The following EXOSC7 variants were observed in gnomAD, a reference collection of about 807,000 sequenced individuals.
The protein encoded by EXOSC7 is exosome complex component RRP42.
EXOSC7 carries 25 observed loss-of-function variants against 34.3 expected under a neutral mutation model. That is an observed-to-expected ratio of 0.73 (90% CI 0.53 to 1.02). The LOEUF is 1.02. Ranked by LOEUF, EXOSC7 falls within the 50% of genes least tolerant of loss-of-function variation. EXOSC7 has a pLI of 0.00. For missense variants in EXOSC7, 370 were observed against 368.5 expected (o/e 1.00, Z -0.03); for synonymous variants, 130 against 143.0 (o/e 0.91, Z 0.65).
At chr3:44,995,887 G>A (rs1460351073) in intron 3 of EXOSC7, among the ~76,000 whole-genome samples, 4 of 152,206 alleles carry the variant, frequency 2.6e-5, no homozygotes, top group Non-Finnish European at 5.9e-5. Flanking sequence ...TGCCATGGGC[G>A]TTCACACAGG....
chr3:44,982,099 A>G (rs1236568853), intron 1 of EXOSC7, among the ~76,000 whole-genome samples: 1 of 152,090 alleles, frequency 6.6e-6, no homozygotes, highest in African/African-American at 2.4e-5. Context: ...TTCTTTGTAG[A>G]ATCTGCCTCT....
At chr3:44,978,335 G>A (rs1012679524) in intron 1 of EXOSC7, among the ~76,000 whole-genome samples, 1 of 152,098 alleles carries the variant, frequency 6.6e-6, no homozygotes, top group African/African-American at 2.4e-5. Context: ...GAATTCCAGG[G>A]ACTTGTAATG....
intron 2 of EXOSC7, 33 bp from the exon 3 acceptor site, chr3:44,989,517 C>CT (rs1706513483): frequency 6.5e-7 from 1 of 1,549,900 alleles, no homozygotes; most frequent in Admixed American, 1.7e-5. Context: ...GCTGCATACT[C>CT]TGAGTGAGGA....
Position 44,989,206 on chromosome 3 carries a change from G to A in EXOSC7, c.124G>A (p.Val42Met), listed in dbSNP as rs1195088366. Residue 42 changes from valine (V) to methionine (M), a missense_variant, in exon 2 of 8, where the codon GTG becomes ATG. Val to Met is a conservative substitution (Grantham distance 21). Transcript: ENST00000265564. The part of the protein sequence containing the change: ...YRCVEVETDV[V>M]SNTSGSARVK... ...ATGTGTCGAAGTGGAAACTGATGTG[G>A]TGTCCAACACTAGTGGGTCCGCCAG... 6.2e-7 allele frequency: 1 copy of A among 1,614,154 alleles called. No homozygotes were observed. The highest frequency in any genetic ancestry group is 1.7e-5 in the Admixed American group (1 of 60,014).
At chr3:45,002,971 C>G (rs1161442397) in intron 5 of EXOSC7, among the ~76,000 whole-genome samples, 1 of 152,202 alleles carries the variant, frequency 6.6e-6, no homozygotes, top group Non-Finnish European at 1.5e-5. Context: ...GAAATGACTC[C>G]CCATCTGCCA....
rs371437808 is a variant in EXOSC7 at position 44,976,271 on chromosome 3, C to T, written c.-7C>T. ...ATGACGTGCGGCTCGTGGGGCAGCTCGGCAGCATGGCGTCCGTGACGCTGA... is the reference window on the plus strand; with the variant it reads ...ATGACGTGCGGCTCGTGGGGCAGCTTGGCAGCATGGCGTCCGTGACGCTGA... On this transcript the variant is annotated 5_prime_UTR_variant, in exon 1 of 8. Transcript: ENST00000265564. The T allele has an allele frequency of 2.8e-5, 44 of 1,556,454 alleles. No homozygotes were observed. In the African/African-American group the frequency reaches 4.3e-4, roughly 15 times the overall value.
intron 5 of EXOSC7, chr3:45,004,246 T>G (rs1048672181): frequency 6.6e-6 from 1 of 152,184 alleles, no homozygotes; most frequent in African/African-American, 2.4e-5. Flanking sequence ...TTGTTTCACA[T>G]TTTTGTCAAC....
chr3:44,994,980 T>C (rs1484678210), intron 3 of EXOSC7, among the ~76,000 whole-genome samples: 1 of 150,432 alleles, frequency 6.6e-6, no homozygotes, highest in Non-Finnish European at 1.5e-5. Flanking sequence ...GGGCATGGGT[T>C]TGTTGTTGTT....
chr3:45,006,449 G>A (rs558110266), intron 6 of EXOSC7, among the ~76,000 whole-genome samples: 357 of 113,086 alleles, frequency 3.2e-3, no homozygotes, highest in Non-Finnish European at 4.0e-3. Context: ...TCGCTCTGTC[G>A]CCCAGGCCGG....
chr3:44,994,638 T>A (rs1458291166), intron 3 of EXOSC7, among the ~76,000 whole-genome samples: 1 of 152,174 alleles, frequency 6.6e-6, no homozygotes, highest in Non-Finnish European at 1.5e-5. Flanking sequence ...CCAGCCTTTG[T>A]CTTCACACAT....
In EXOSC7 at chr3:45,008,713, G is replaced by A. The variant is rs953483388; in HGVS notation, c.771+1138G>A. ...GCTCTTATTCTCTGTGCTCCATGAA[G>A]CACCCTGAGTTCAAATTTCTCCAGA... On this transcript the variant is annotated intron_variant, in intron 7 of 7. Transcript: ENST00000265564. 2.6e-4 allele frequency among the ~76,000 whole-genome samples: 40 copies of A among 152,208 alleles called. 1 individual carries two copies. Among genetic ancestry groups the A allele is most frequent in the Non-Finnish European group, 1.5e-5 (1 of 68,038 alleles).
At chr3:44,988,710 G>A (rs1353621195) in intron 1 of EXOSC7, among the ~76,000 whole-genome samples, 1 of 152,108 alleles carries the variant, frequency 6.6e-6, no homozygotes, top group African/African-American at 2.4e-5. Context: ...TTTAGGGGTA[G>A]GAGGGCTTCA....
At chr3:45,007,963 T>C (rs1438245572) in intron 7 of EXOSC7, among the ~76,000 whole-genome samples, 2 of 152,038 alleles carry the variant, frequency 1.3e-5, no homozygotes, top group African/African-American at 4.8e-5. Context: ...TAGAAGTGGG[T>C]GAGTAAAGGT....
At chr3:45,002,599 T>C (rs1397408546) in intron 5 of EXOSC7, among the ~76,000 whole-genome samples, 1 of 152,242 alleles carries the variant, frequency 6.6e-6, no homozygotes, top group African/African-American at 2.4e-5. Context: ...TGGTAGTTCT[T>C]ATATGTAATG....
chr3:44,995,318 G>T (rs569099546), intron 3 of EXOSC7, among the ~76,000 whole-genome samples: 2 of 152,304 alleles, frequency 1.3e-5, no homozygotes, highest in East Asian at 3.9e-4. Flanking sequence ...GATTAATTTA[G>T]ACAGTTGGAC....
intron 3 of EXOSC7, among the ~76,000 whole-genome samples, chr3:44,992,900 T>C (rs1247011126): frequency 6.6e-6 from 1 of 152,238 alleles, no homozygotes; most frequent in Non-Finnish European, 1.5e-5. Context: ...TTTTCATTCA[T>C]AAATGTTTCA....
intron 3 of EXOSC7, among the ~76,000 whole-genome samples, chr3:44,994,858 T>TGTGG (rs1370890926): frequency 1.9e-3 from 11 of 5,862 alleles, no homozygotes; most frequent in South Asian, 0.019. Context: ...GAAGAATGGG[T>TGTGG]GTGTGTGTGT....
At position 44,989,532 on chromosome 3, in the gene EXOSC7, T is replaced by C. The variant is rs760750197; in HGVS notation, c.160-18T>C. 6.2e-7 allele frequency: 1 copy of C among 1,602,318 alleles called. No homozygotes were observed. The highest frequency in any genetic ancestry group is 1.1e-5 in the South Asian group (1 of 90,788). ...GCTGCATACTCTGAGTGAGGACTCTTCTTGCATGTGTCTGCAGGGTCACAC... is the reference window on the plus strand; with the variant it reads ...GCTGCATACTCTGAGTGAGGACTCTCCTTGCATGTGTCTGCAGGGTCACAC... On this transcript the variant is annotated intron_variant, in intron 2 of 7. Coordinates refer to ENST00000265564, the MANE Select transcript of EXOSC7 (RefSeq NM_015004.4).
chr3:44,980,815 TTGAGTA>T (rs1471689607), intron 1 of EXOSC7, among the ~76,000 whole-genome samples: 8 of 152,256 alleles, frequency 5.3e-5, no homozygotes, highest in African/African-American at 1.7e-4. Context: ...TTTTCCCACA[TTGAGTA>T]TAAGTTCCTT....
Sources: gnomAD v4.1 joint callset for allele counts (sites outside exome capture counted in the v4.1 genomes callset) on GRCh38, gnomAD v4.1.1 for gene constraint, MANE v1.5 for transcripts, NCBI Gene and HGNC (gene_info 2026-07-23, HGNC 2026-07-21) for gene names.